Variants in PCDHGB3 observed in about 807,000 individuals in gnomAD.
PCDHGB3 encodes protocadherin gamma subfamily B, 3, also known as protocadherin gamma-B3.
PCDHGB3 carries 40 observed loss-of-function variants against 59.2 expected under a neutral mutation model. The ratio of observed to expected loss-of-function variants is 0.68; its 90% confidence interval spans 0.52 to 0.88. PCDHGB3 has a LOEUF of 0.88. Among genes scored for constraint, PCDHGB3 ranks in the 40% least tolerant of loss-of-function variants. The pLI is 0.00. For missense variants in PCDHGB3, 1,309 were observed against 1,187.9 expected (o/e 1.10, Z -1.50); for synonymous variants, 581 against 503.6 (o/e 1.15, Z -2.06).
chr5:141,490,517 C>T lies in PCDHGB3; in HGVS notation c.2416-4290C>T. 6.2e-7 allele frequency: 1 copy of T among 1,613,972 alleles called. No homozygotes were observed. The highest frequency in any genetic ancestry group is 2.2e-5 in the East Asian group (1 of 44,854). ...TCCCACTATATCATCGAGCTGCTGG[C>T]CAGCGATGCTGGTTCACCTTCCCTA... On this transcript the variant is annotated intron_variant, in intron 1 of 3. Coordinates refer to ENST00000576222, the MANE Select transcript of PCDHGB3 (RefSeq NM_018924.5). The surrounding 1 kb of genome is among the most constrained non-coding windows in gnomAD (Gnocchi z 5.4).
chr5:141,378,930 G>T (rs1588866145), intron 1 of PCDHGB3: 1 of 152,190 alleles, frequency 6.6e-6, no homozygotes, highest in East Asian at 1.9e-4. Flanking sequence ...GTAAGTTGAT[G>T]GCCCTGGAAT....
chr5:141,385,095 G>A (rs1780850874), intron 1 of PCDHGB3: 9 of 1,614,202 alleles, frequency 5.6e-6, no homozygotes, highest in East Asian at 4.5e-5. Context: ...AAGGTGGCTT[G>A]GCGAACGTGC....
intron 1 of PCDHGB3, chr5:141,383,457 C>T (rs1270613288): frequency 2.5e-6 from 4 of 1,613,734 alleles, no homozygotes; most frequent in Non-Finnish European, 3.4e-6. Flanking sequence ...AAAGTGGAGA[C>T]GATGAAACTA....
chr5:141,485,938 A>G lies in PCDHGB3; in HGVS notation c.2416-8869A>G. The stretch of plus-strand genomic sequence containing the variant: ...ACAGGATTAGTGTGTTGGAGAGCGC[A>G]CCAGCGGGCATGGTGCTCATCCAGC... On this transcript the variant is annotated intron_variant, in intron 1 of 3. Transcript: ENST00000576222. The surrounding 1 kb of genome is among the most constrained non-coding windows in gnomAD (Gnocchi z 5.7). 6.2e-7 allele frequency: 1 copy of G among 1,614,162 alleles called. No individual in the cohort carries two copies. The highest frequency in any genetic ancestry group is 1.3e-5 in the African/African-American group (1 of 75,028).
intron 1 of PCDHGB3, among the ~76,000 whole-genome samples, chr5:141,438,621 TATATATATATATATAC>T (rs1472935962): frequency 0.016 from 652 of 41,356 alleles, 15 homozygotes; most frequent in East Asian, 0.15. Flanking sequence ...TATATATATA[TATATATATATATATAC>T]ACACACACAC....
At position 141,491,196 on chromosome 5, in the gene PCDHGB3, T is replaced by C. The variant is rs899789155; in HGVS notation, c.2416-3611T>C. ...TGGTGGTCCTGGTGAGGGACAATGGTGACCCTTCACTCTCCTCCACAGCCA... is the reference window on the plus strand; with the variant it reads ...TGGTGGTCCTGGTGAGGGACAATGGCGACCCTTCACTCTCCTCCACAGCCA... On this transcript the variant is annotated intron_variant, in intron 1 of 3. Transcript: ENST00000576222. The surrounding 1 kb of genome is among the most constrained non-coding windows in gnomAD (Gnocchi z 6.9). The C allele has an allele frequency of 6.8e-6, 11 of 1,614,186 alleles. No homozygotes were observed. The highest frequency in any genetic ancestry group is 9.3e-6 in the Non-Finnish European group (11 of 1,180,030).
intron 1 of PCDHGB3, chr5:141,384,775 G>A: frequency 6.2e-7 from 1 of 1,613,910 alleles, no homozygotes; most frequent in Non-Finnish European, 8.5e-7. Flanking sequence ...CACGGGCGAG[G>A]TGCGCACGGC....
Position 141,491,004 on chromosome 5 carries a change from G to T in PCDHGB3, c.2416-3803G>T. ...CTCGCTCTGCTCCTCCTGGCTCCTT[G>T]GTCACCAAGGTGACAGCCGTGGATG... On this transcript the variant is annotated intron_variant, in intron 1 of 3. Transcript: ENST00000576222. The surrounding 1 kb of genome is among the most constrained non-coding windows in gnomAD (Gnocchi z 6.9). The T allele has an allele frequency of 6.2e-7, 1 of 1,614,024 alleles. No individual in the cohort carries two copies. Among genetic ancestry groups the T allele is most frequent in the Non-Finnish European group, 8.5e-7 (1 of 1,180,026 alleles).
Position 141,435,556 on chromosome 5 carries a change from G to C in PCDHGB3, c.2416-59251G>C, listed in dbSNP as rs568743865. ...AGAATTAACAAAATGTGTTTTGAGT[G>C]CTTTTTTTAGTACTGGGGCAAATTT... is the stretch of plus-strand genomic sequence containing the variant. On this transcript the variant is annotated intron_variant, in intron 1 of 3. Transcript: ENST00000576222. Among the ~76,000 whole-genome samples, 7 of 152,242 alleles carry C rather than the reference G, an allele frequency of 4.6e-5. 1 individual carries two copies. Among genetic ancestry groups the C allele is most frequent in the African/African-American group, 1.4e-4 (6 of 41,544 alleles).
At chr5:141,384,440 T>C (rs766102464) in intron 1 of PCDHGB3, 6 of 1,614,046 alleles carry the variant, frequency 3.7e-6, no homozygotes, top group Non-Finnish European at 4.2e-6. Context: ...ACTGGAGTCC[T>C]GTACGCGCTG....
rs1444112616 is a variant in PCDHGB3 at position 141,372,315 on chromosome 5, C to A, written c.1921C>A (p.Arg641Ser). ...GGGCGACAGGGAGGCCGCCCGCCAGCGCCTGCTGGTCACTGTGCGTGATGG... is the reference window on the plus strand; with the variant it reads ...GGGCGACAGGGAGGCCGCCCGCCAGAGCCTGCTGGTCACTGTGCGTGATGG... Reference protein sequence around the residue: ...TLGDREAARQRLLVTVRDGGQ... With the variant: ...TLGDREAARQSLLVTVRDGGQ... The change falls in exon 1 of 4, where the codon CGC (arginine) becomes AGC (serine). Residue 641 changes from arginine to serine, a missense_variant. Arg to Ser is a moderately radical substitution (Grantham distance 110, BLOSUM62 -1). Coordinates refer to ENST00000576222, the MANE Select transcript of PCDHGB3 (RefSeq NM_018924.5). 1 of 1,613,564 alleles carries A rather than the reference C, an allele frequency of 6.2e-7. No homozygotes were observed. Among genetic ancestry groups the A allele is most frequent in the Non-Finnish European group, 8.5e-7 (1 of 1,179,898 alleles).
chr5:141,413,358 G>C, intron 1 of PCDHGB3: 1 of 1,613,972 alleles, frequency 6.2e-7, no homozygotes, highest in Non-Finnish European at 8.5e-7. Flanking sequence ...TGGCGCCCCG[G>C]GAGCTGGCGG....
intron 1 of PCDHGB3, among the ~76,000 whole-genome samples, chr5:141,420,762 T>A (rs1221355822): frequency 6.6e-6 from 1 of 152,222 alleles, no homozygotes; most frequent in Non-Finnish European, 1.5e-5. Context: ...AACCTACAAG[T>A]TTTCAGCTCC....
intron 1 of PCDHGB3, chr5:141,419,381 A>T (rs1170271990): frequency 6.2e-7 from 1 of 1,613,544 alleles, no homozygotes; most frequent in Admixed American, 1.7e-5. Flanking sequence ...CGTGTCCGTG[A>T]GCGCGCAGAG....
chr5:141,490,978 C>T lies in PCDHGB3; in HGVS notation c.2416-3829C>T. 6.2e-7 allele frequency: 1 copy of T among 1,614,100 alleles called. No individual in the cohort carries two copies. Among genetic ancestry groups the T allele is most frequent in the Non-Finnish European group, 8.5e-7 (1 of 1,180,034 alleles). ...GGAACACTCAGCCCCCCAGCGTCTC[C>T]CTCGCTCTGCTCCTCCTGGCTCCTT... is the stretch of plus-strand genomic sequence containing the variant. On this transcript the variant is annotated intron_variant, in intron 1 of 3. Coordinates refer to ENST00000576222, the MANE Select transcript of PCDHGB3 (RefSeq NM_018924.5). The surrounding 1 kb of genome is among the most constrained non-coding windows in gnomAD (Gnocchi z 5.4).
rs747509171 is a variant in PCDHGB3, at chr5:141,477,069, A to G, written c.2416-17738A>G. The stretch of plus-strand genomic sequence containing the variant: ...CTGGACTTCGAGGACACCAAACTCC[A>G]TGAGATTTACATCCAGGCCAAAGAC... On this transcript the variant is annotated intron_variant, in intron 1 of 3. Coordinates refer to ENST00000576222, the MANE Select transcript of PCDHGB3 (RefSeq NM_018924.5). The surrounding 1 kb of genome is among the most constrained non-coding windows in gnomAD (Gnocchi z 4.9). 7 of 1,614,246 alleles carry G rather than the reference A, an allele frequency of 4.3e-6. No homozygotes were observed. The highest frequency in any genetic ancestry group is 5.9e-6 in the Non-Finnish European group (7 of 1,180,026).
chr5:141,389,605 A>G (rs1370742468), intron 1 of PCDHGB3: 2 of 1,613,092 alleles, frequency 1.2e-6, no homozygotes, highest in Non-Finnish European at 1.7e-6. Flanking sequence ...GCGCTCTTCG[A>G]TATGGTGCCG....
chr5:141,425,661 C>A (rs993314865), intron 1 of PCDHGB3, among the ~76,000 whole-genome samples: 5 of 152,184 alleles, frequency 3.3e-5, no homozygotes, highest in Admixed American at 3.3e-4. Context: ...ATTATCTGCA[C>A]ATCAGATTGA....
chr5:141,490,288 G>A lies in PCDHGB3; in HGVS notation c.2416-4519G>A. On this transcript the variant is annotated intron_variant, in intron 1 of 3. Coordinates refer to ENST00000576222, the MANE Select transcript of PCDHGB3 (RefSeq NM_018924.5). The surrounding 1 kb of genome is among the most constrained non-coding windows in gnomAD (Gnocchi z 5.4). ...GGATGTCAATGACAATGCCCCAGAG[G>A]TGCTATTGGCCTCTTTGGCCAACCC... The A allele has an allele frequency of 3.7e-6, 6 of 1,614,198 alleles. No individual in the cohort carries two copies. The highest frequency in any genetic ancestry group is 5.1e-6 in the Non-Finnish European group (6 of 1,180,042).
Sources: allele counts gnomAD v4.1 joint callset (sites outside exome capture counted in the v4.1 genomes callset), GRCh38; gene constraint gnomAD v4.1.1; non-coding constraint Gnocchi (gnomAD v3.1); transcripts MANE v1.5; gene names NCBI Gene and HGNC (gene_info 2026-07-23, HGNC 2026-07-21).